The following RBFOX1 variants were observed in gnomAD, a reference collection of about 807,000 sequenced individuals.
RBFOX1 encodes the protein RNA binding protein fox-1 homolog 1.
In RBFOX1, 8 loss-of-function variants were observed where a neutral mutation model predicts 57.7. The ratio of observed to expected loss-of-function variants is 0.14; its 90% CI spans 0.08 to 0.25. The LOEUF (loss-of-function observed/expected upper bound fraction) is 0.25, where lower values mean the gene tolerates loss of function less well. Ranked by LOEUF, RBFOX1 falls within the 10% of genes least tolerant of loss-of-function variation. RBFOX1 has a pLI of 1.00. For synonymous variants in RBFOX1, 326 were observed against 222.4 expected, an observed-to-expected ratio of 1.47 and a Z score of -4.15; for missense variants, 611 against 548.5, an observed-to-expected ratio of 1.11 and a Z score of -1.14.
At chr16:5,510,108 A>T (rs1490118119) in intron 2 of RBFOX1, among the ~76,000 whole-genome samples, 1 of 152,194 alleles carries the variant, frequency 6.6e-6, no homozygotes, top group Non-Finnish European at 1.5e-5. Flanking sequence ...CTCAGAATGG[A>T]TGCAGGCTGA....
intron 3 of RBFOX1, among the ~76,000 whole-genome samples, chr16:6,980,255 G>C (rs1024289165): frequency 6.6e-6 from 1 of 152,158 alleles, no homozygotes; most frequent in South Asian, 2.1e-4. Context: ...CTATACAAAT[G>C]TGCTGTGTCA....
At chr16:6,062,988 A>G (rs564965190) in intron 1 of RBFOX1, among the ~76,000 whole-genome samples, 3 of 152,308 alleles carry the variant, frequency 2.0e-5, no homozygotes, top group African/African-American at 4.8e-5. Flanking sequence ...AAGAACTTCA[A>G]TGGATTCAGT....
chr16:6,576,222 C>T (rs1285085355), intron 2 of RBFOX1, among the ~76,000 whole-genome samples: 3 of 152,118 alleles, frequency 2.0e-5, no homozygotes, highest in Non-Finnish European at 2.9e-5. Flanking sequence ...TGGAGCCTGT[C>T]GTAGCATCTC....
At chr16:6,866,864 T>G (rs891616690) in intron 3 of RBFOX1, among the ~76,000 whole-genome samples, 8 of 152,052 alleles carry the variant, frequency 5.3e-5, no homozygotes, top group African/African-American at 1.7e-4. Flanking sequence ...TTTCTAAGGT[T>G]GTAACTTTTG....
Position 5,377,534 on chromosome 16 carries a change from C to T in RBFOX1, c.220-89682C>T, listed in dbSNP as rs11639551. 5.1e-5 allele frequency among the ~76,000 whole-genome samples: 7 copies of T among 136,688 alleles called. 1 individual carries two copies. Among genetic ancestry groups the T allele is most frequent in the South Asian group, 2.4e-4 (1 of 4,230 alleles). The allele number at this position is 136,688 out of a possible 152,430, so 89.7% of individuals were successfully genotyped here. ...GGGTGTGGGAGGGGAGGAAGAAGGA[C>T]GGAGGTGAGGGAGGAGGAGGGAAAG... On this transcript the variant is annotated intron_variant, in intron 1 of 2. Coordinates refer to the RBFOX1 transcript ENST00000585867.
chr16:5,583,528 A>T (rs1463841908), intron 2 of RBFOX1, among the ~76,000 whole-genome samples: 2 of 152,176 alleles, frequency 1.3e-5, no homozygotes, highest in African/African-American at 4.8e-5. Context: ...CCGCGAGGCA[A>T]TCCTGGAGTG....
chr16:7,584,407 C>T (rs1461558525), intron 6 of RBFOX1, among the ~76,000 whole-genome samples: 1 of 152,166 alleles, frequency 6.6e-6, no homozygotes, highest in Non-Finnish European at 1.5e-5. Flanking sequence ...ATTCTCCTGC[C>T]TCAGCATCCC....
intron 1 of RBFOX1, among the ~76,000 whole-genome samples, chr16:5,305,732 G>A (rs1435734898): frequency 6.6e-6 from 1 of 152,114 alleles, no homozygotes; most frequent in African/African-American, 2.4e-5. Context: ...AGCCATTTAA[G>A]GTTTTAAACA....
At chr16:5,513,462 C>A (rs1448137631) in intron 2 of RBFOX1, among the ~76,000 whole-genome samples, 1 of 152,130 alleles carries the variant, frequency 6.6e-6, no homozygotes, top group African/African-American at 2.4e-5. Flanking sequence ...TGTCAGGTTC[C>A]TCTGCTGTAA....
At position 6,769,564 on chromosome 16, in the gene RBFOX1, C is replaced by T. The variant is rs140242251; in HGVS notation, c.-16+114914C>T. ...AGGCTGTTTCCTGTTTTTGCCTATT[C>T]GTGACAATGCTGAAACAGCTTCATT... is the stretch of plus-strand genomic sequence containing the variant. On this transcript the variant is annotated intron_variant, in intron 3 of 15. Transcript: ENST00000550418. Among the ~76,000 whole-genome samples, 342 of 152,304 alleles carry T rather than the reference C, an allele frequency of 2.2e-3. 2 individuals carry two copies. The highest frequency in any genetic ancestry group is 8.0e-3 in the African/African-American group (333 of 41,568).
chr16:6,402,185 TG>T (rs2093099612), intron 2 of RBFOX1, among the ~76,000 whole-genome samples: 1 of 152,054 alleles, frequency 6.6e-6, no homozygotes, highest in Non-Finnish European at 1.5e-5. Context: ...ACATTTTGCT[TG>T]AGTCCCTGCA....
At chr16:5,679,868 A>G (rs372665913) in intron 3 of RBFOX1, among the ~76,000 whole-genome samples, 9 of 152,158 alleles carry the variant, frequency 5.9e-5, no homozygotes, top group African/African-American at 2.2e-4. Flanking sequence ...ATATTAAAGT[A>G]CAGTTCATAG....
At chr16:7,066,669 C>G (rs1294974790) in intron 4 of RBFOX1, among the ~76,000 whole-genome samples, 4 of 152,154 alleles carry the variant, frequency 2.6e-5, no homozygotes, top group South Asian at 2.1e-4. Flanking sequence ...TTATAGAAAT[C>G]TATGTGTTCT....
intron 3 of RBFOX1, among the ~76,000 whole-genome samples, chr16:5,637,787 C>T (rs901708663): frequency 6.6e-6 from 1 of 152,158 alleles, no homozygotes; most frequent in Non-Finnish European, 1.5e-5. Flanking sequence ...GAAGACCACC[C>T]TCCCTGGTAG....
intron 1 of RBFOX1, among the ~76,000 whole-genome samples, chr16:6,302,109 C>G (rs79193646): frequency 0.016 from 2,464 of 152,208 alleles, 31 homozygotes; most frequent in Middle Eastern, 0.027. Flanking sequence ...GTGGCTTCAT[C>G]CACAATGTTT....
chr16:7,431,538 G>T (rs1437646092), intron 4 of RBFOX1, among the ~76,000 whole-genome samples: 3 of 152,166 alleles, frequency 2.0e-5, no homozygotes, highest in African/African-American at 7.2e-5. Flanking sequence ...CCGCGCCACT[G>T]TGCCCGGCTT....
At chr16:6,590,444 A>G (rs1219067178) in intron 2 of RBFOX1, among the ~76,000 whole-genome samples, 4 of 152,156 alleles carry the variant, frequency 2.6e-5, no homozygotes, top group African/African-American at 4.8e-5. Flanking sequence ...ATAGAATTCC[A>G]TGCTTTTACA....
chr16:7,614,223 G>C (rs1270607334), intron 10 of RBFOX1: 1 of 152,212 alleles, frequency 6.6e-6, no homozygotes, highest in Non-Finnish European at 1.5e-5. Flanking sequence ...GAACAGGAGA[G>C]TCCAGATTTA....
intron 1 of RBFOX1, among the ~76,000 whole-genome samples, chr16:6,151,848 A>G (rs984456213): frequency 1.3e-5 from 2 of 152,186 alleles, no homozygotes; most frequent in Non-Finnish European, 2.9e-5. Context: ...TCTGCATTTA[A>G]TGGTTCTTTT....
Sources: allele counts gnomAD v4.1 joint callset (sites outside exome capture counted in the v4.1 genomes callset), GRCh38; gene constraint gnomAD v4.1.1; transcripts MANE v1.5; gene names NCBI Gene and HGNC (gene_info 2026-07-23, HGNC 2026-07-21).